DENND4C: variants seen among roughly 807,000 people sequenced by gnomAD.
DENND4C encodes the protein DENN domain-containing protein 4C.
A neutral mutation model predicts 203.0 loss-of-function variants in DENND4C; 108 were observed. The observed-to-expected ratio is 0.53, with a 90% CI of 0.46 to 0.62. The LOEUF is 0.62. DENND4C is among the 20% of genes least tolerant of loss of function. DENND4C has a pLI of 0.00. For missense variants in DENND4C, 2,481 were observed against 2,301.2 expected, an observed-to-expected ratio of 1.08 and a Z score of -1.60; for synonymous variants, 871 against 792.4, an observed-to-expected ratio of 1.10 and a Z score of -1.67.
At chr9:19,230,639 C>T (rs1588693456), upstream of DENND4C, 1 of 152,176 alleles carries the variant, frequency 6.6e-6, no homozygotes, top group African/African-American at 2.4e-5. Context: ...GGCCATCGCC[C>T]CTGGCTGTAG....
At position 19,346,411 on chromosome 9, in the gene DENND4C, T is replaced by G. The variant is rs778031751; in HGVS notation, c.3642T>G (p.Ser1214Arg). 6.2e-7 allele frequency: 1 copy of G among 1,614,124 alleles called. No individual in the cohort carries two copies. Among genetic ancestry groups the G allele is most frequent in the South Asian group, 1.1e-5 (1 of 91,080 alleles). Residue 1214 changes from serine (S) to arginine (R), a missense_variant, in exon 23 of 33, where the codon AGT becomes AGG. Transcript: ENST00000434457. Reference sequence around the variant, plus strand: ...AGAGTCTACTAAGTGATAGTAACAGTAATCAGTCCAGAGACTTGAAAACAG... The same window carrying G: ...AGAGTCTACTAAGTGATAGTAACAGGAATCAGTCCAGAGACTTGAAAACAG... The part of the protein sequence containing the change: ...TYESLLSDSN[S>R]NQSRDLKTVS...
At chr9:19,243,641 G>A (rs969314690) in intron 1 of DENND4C, among the ~76,000 whole-genome samples, 5 of 152,000 alleles carry the variant, frequency 3.3e-5, no homozygotes, top group Non-Finnish European at 7.4e-5. Flanking sequence ...CAGCTTCTTC[G>A]ACTTAGCATA....
At chr9:19,266,496 C>CA (rs1830528829) in intron 1 of DENND4C, among the ~76,000 whole-genome samples, 2 of 152,110 alleles carry the variant, frequency 1.3e-5, no homozygotes, top group African/African-American at 4.8e-5. Context: ...GCTTTTGTTG[C>CA]AAAAAACAGG....
chr9:19,308,769 G>T (rs1005562027), intron 10 of DENND4C, among the ~76,000 whole-genome samples: 1 of 152,116 alleles, frequency 6.6e-6, no homozygotes, highest in Non-Finnish European at 1.5e-5. Flanking sequence ...TATTTCTTAA[G>T]TTGTGAGGTT....
chr9:19,235,070 T>G (rs958905395), intron 1 of DENND4C, among the ~76,000 whole-genome samples: 1 of 152,040 alleles, frequency 6.6e-6, no homozygotes, highest in Non-Finnish European at 1.5e-5. Context: ...ATGAAGCAAT[T>G]CTCCCTGCCT....
intron 21 of DENND4C, among the ~76,000 whole-genome samples, chr9:19,342,120 A>G (rs547766195): frequency 3.6e-4 from 46 of 126,214 alleles, no homozygotes; most frequent in Admixed American, 1.2e-3. Context: ...GCAAGACTCC[A>G]TCTCAAAAAA....
chr9:19,307,682 A>T (rs565959464), intron 10 of DENND4C, among the ~76,000 whole-genome samples: 41 of 149,776 alleles, frequency 2.7e-4, no homozygotes, highest in Admixed American at 2.5e-3. Flanking sequence ...AGGCAAGAGA[A>T]TTGCTTGAAC....
chr9:19,360,315 A>G lies in DENND4C; in HGVS notation c.5232A>G (p.Lys1744=). The G allele has an allele frequency of 6.2e-7, 1 of 1,614,092 alleles. No homozygotes were observed. The highest frequency in any genetic ancestry group is 1.7e-5 in the Admixed American group (1 of 60,018). The stretch of plus-strand genomic sequence containing the variant: ...ACTTGAGTCCTCTAGTACTCCGTAA[A>G]GAACTTGAATCTTTGCTAGAAAATG... ...VPYLSPLVLR[K]ELESLLENEG... The change falls in exon 29 of 33, where the codon AAA becomes AAG. Residue 1744 remains lysine, a synonymous_variant. Transcript: ENST00000434457.
intron 18 of DENND4C, 28 bp from the exon 19 acceptor site, chr9:19,336,242 A>G (rs1416212582): frequency 6.2e-7 from 1 of 1,600,042 alleles, no homozygotes; most frequent in Admixed American, 1.8e-5. Context: ...GCTAATGAAC[A>G]TTATTTTTAC....
At chr9:19,330,042 T>G (rs556439223) in intron 16 of DENND4C, among the ~76,000 whole-genome samples, 1 of 152,220 alleles carries the variant, frequency 6.6e-6, no homozygotes, top group African/African-American at 2.4e-5. Flanking sequence ...CCTAGAGATA[T>G]CCTGAGGTAT....
At chr9:19,333,615 A>G (rs1013148714) in intron 17 of DENND4C, among the ~76,000 whole-genome samples, 4 of 152,174 alleles carry the variant, frequency 2.6e-5, no homozygotes, top group Admixed American at 6.5e-5. Context: ...TAGTTAAATC[A>G]GTTAATATAC....
intron 30 of DENND4C, among the ~76,000 whole-genome samples, chr9:19,362,905 G>T (rs1009867518): frequency 6.6e-6 from 1 of 152,222 alleles, no homozygotes; most frequent in Admixed American, 6.5e-5. Context: ...ATGACCAAAT[G>T]ATATTAATAG....
chr9:19,346,858 C>T lies in DENND4C; in HGVS notation c.4089C>T (p.Thr1363=), dbSNP rs1823020643. The T allele has an allele frequency of 6.2e-7, 1 of 1,614,200 alleles. No homozygotes were observed. The highest frequency in any genetic ancestry group is 1.3e-5 in the African/African-American group (1 of 75,058). Residue 1363 remains threonine, a synonymous_variant, in exon 23 of 33, where the codon ACC becomes ACT. Transcript: ENST00000434457. ...TTACTGGGCGTTTCAAGCAGCAAAC[C>T]CCCTCTCGAACTCATAAAGAACGTT... ...KTFTGRFKQQ[T]PSRTHKERST...
chr9:19,368,025 C>G (rs536872996), intron 30 of DENND4C, among the ~76,000 whole-genome samples: 10 of 152,176 alleles, frequency 6.6e-5, no homozygotes, highest in African/African-American at 2.4e-4. Context: ...TGAACATGTT[C>G]TAAAATTGAT....
chr9:19,293,015 A>G (rs1483190806), intron 5 of DENND4C, among the ~76,000 whole-genome samples: 2 of 152,252 alleles, frequency 1.3e-5, no homozygotes, highest in African/African-American at 4.8e-5. Context: ...AGTATCCAGC[A>G]TAGTGCCTGG....
intron 1 of DENND4C, among the ~76,000 whole-genome samples, chr9:19,233,037 T>TAACAAAAAA (rs1820973016): frequency 7.1e-6 from 1 of 141,766 alleles, no homozygotes. Context: ...GCTGCCTGAT[T>TAACAAAAAA]AAAAAAAAAA....
intron 1 of DENND4C, among the ~76,000 whole-genome samples, chr9:19,248,130 A>G (rs1564083719): frequency 6.6e-6 from 1 of 152,202 alleles, no homozygotes; most frequent in South Asian, 2.1e-4. Flanking sequence ...GGCCCCTCAT[A>G]GTTTTTCATC....
intron 1 of DENND4C, among the ~76,000 whole-genome samples, chr9:19,243,242 A>G (rs1824219838): frequency 6.6e-6 from 1 of 152,202 alleles, no homozygotes; most frequent in African/African-American, 2.4e-5. Context: ...ATGAAGTCAT[A>G]CAATATGTGA....
intron 5 of DENND4C, 95 bp from the exon 6 acceptor site, chr9:19,295,913 C>A: frequency 1.0e-6 from 1 of 975,168 alleles, no homozygotes; most frequent in Non-Finnish European, 1.6e-6. Flanking sequence ...TATAAGTGTA[C>A]TCCAAGCAAA....
Sources: allele counts gnomAD v4.1 joint callset (sites outside exome capture counted in the v4.1 genomes callset), GRCh38; gene constraint gnomAD v4.1.1; transcripts MANE v1.5; gene names NCBI Gene and HGNC (gene_info 2026-07-23, HGNC 2026-07-21).